ADNP2: variants seen among roughly 807,000 people sequenced by gnomAD.
The protein encoded by ADNP2 is ADNP homeobox 2.
Under a neutral mutation model 16.4 loss-of-function variants are expected in ADNP2, and 8 were observed. That is an observed-to-expected ratio of 0.49 (90% CI 0.29 to 0.88). The LOEUF (loss-of-function observed/expected upper bound fraction) is 0.88, where lower values mean the gene tolerates loss of function less well. ADNP2 is among the 40% of genes least tolerant of loss of function. ADNP2 has a pLI of 0.09. For synonymous variants in ADNP2, 637 were observed against 545.8 expected (o/e 1.17, Z -2.33); for missense variants, 1,397 against 1,395.1 (o/e 1.00, Z -0.02).
At chr18:80,127,798 G>T (rs1348629815) in intron 2 of ADNP2, among the ~76,000 whole-genome samples, 1 of 152,180 alleles carries the variant, frequency 6.6e-6, no homozygotes, top group Non-Finnish European at 1.5e-5. Context: ...TTGCTGTGAA[G>T]GCTTGACTTA....
chr18:80,116,875 G>T (rs186008510), intron 1 of ADNP2, among the ~76,000 whole-genome samples: 2 of 152,274 alleles, frequency 1.3e-5, no homozygotes, highest in East Asian at 3.9e-4. Flanking sequence ...AGCTCAAACA[G>T]TCTGCCTGAT....
chr18:80,110,797 T>G (rs2145186878), intron 1 of ADNP2, among the ~76,000 whole-genome samples: 1 of 152,124 alleles, frequency 6.6e-6, no homozygotes, highest in East Asian at 1.9e-4. Flanking sequence ...GTGACAGATG[T>G]GTGTTAAGAA....
chr18:80,130,858 G>A (rs763242869), intron 2 of ADNP2, among the ~76,000 whole-genome samples: 1 of 149,790 alleles, frequency 6.7e-6, no homozygotes, highest in African/African-American at 2.5e-5. Context: ...GTAGTTTCTT[G>A]TGAAAAACAA....
intron 2 of ADNP2, among the ~76,000 whole-genome samples, chr18:80,125,107 G>C (rs539775393): frequency 2.0e-5 from 3 of 152,222 alleles, no homozygotes; most frequent in Admixed American, 1.3e-4. Context: ...AGTTTTAATA[G>C]GCAGCATGTA....
At chr18:80,118,070 C>T (rs974865023) in intron 2 of ADNP2, among the ~76,000 whole-genome samples, 22 of 151,908 alleles carry the variant, frequency 1.4e-4, no homozygotes, top group Non-Finnish European at 2.2e-4. Context: ...TTTGTCTGTC[C>T]TTATAACATT....
At chr18:80,125,008 A>G (rs1397966885) in intron 2 of ADNP2, among the ~76,000 whole-genome samples, 1 of 152,230 alleles carries the variant, frequency 6.6e-6, no homozygotes, top group Non-Finnish European at 1.5e-5. Flanking sequence ...GGAAATAGGG[A>G]TGAAGACCAA....
chr18:80,131,134 T>C (rs897247403), intron 2 of ADNP2, among the ~76,000 whole-genome samples: 11 of 152,292 alleles, frequency 7.2e-5, no homozygotes, highest in Middle Eastern at 3.4e-3. Context: ...AAGTCAGCCG[T>C]TGAACCCCTG....
chr18:80,111,300 T>C (rs2052355320), intron 1 of ADNP2, among the ~76,000 whole-genome samples: 1 of 152,210 alleles, frequency 6.6e-6, no homozygotes, highest in Non-Finnish European at 1.5e-5. Flanking sequence ...ATGTGCTGTT[T>C]TGCATGTATT....
intron 1 of ADNP2, 147 bp from the exon 2 acceptor site, chr18:80,117,383 T>C (rs993187939): frequency 2.2e-6 from 1 of 464,066 alleles, no homozygotes. Flanking sequence ...TCAACCTCAT[T>C]CATTTGCATA....
At position 80,138,728 on chromosome 18, in the gene ADNP2, C is replaced by T. The variant is rs754148388; in HGVS notation, c.3315C>T (p.His1105=). Residue 1105 remains histidine, a synonymous_variant, in exon 4 of 4, where the codon CAC becomes CAT. Transcript: ENST00000262198. ...RYICMKAIKN[H]KPSVLLGFDM... is the part of the protein sequence containing the mutation. ...TTTGCATGAAAGCAATAAAAAATCA[C>T]AAGCCTTCTGTACTTTTAGGCTTTG... is the stretch of plus-strand genomic sequence containing the variant. 8.1e-6 allele frequency: 13 copies of T among 1,607,500 alleles called. No homozygotes were observed. The South Asian group carries it at 1.5e-4, about 18-fold the overall frequency.
intron 2 of ADNP2, among the ~76,000 whole-genome samples, chr18:80,120,490 C>T (rs1159759502): frequency 5.9e-5 from 9 of 151,884 alleles, no homozygotes; most frequent in Non-Finnish European, 1.0e-4. Context: ...TACCACCACA[C>T]CTGGGTAATT....
chr18:80,126,293 A>G (rs1211277050), intron 2 of ADNP2, among the ~76,000 whole-genome samples: 2 of 152,108 alleles, frequency 1.3e-5, no homozygotes. Context: ...CATGTTAGAA[A>G]TCTTACAATA....
intron 3 of ADNP2, among the ~76,000 whole-genome samples, chr18:80,135,036 G>A (rs953405613): frequency 3.3e-5 from 5 of 152,260 alleles, no homozygotes; most frequent in African/African-American, 1.2e-4. Context: ...TGGGATGAGG[G>A]GGAGAAAATA....
At chr18:80,128,745 C>T (rs1027080759) in intron 2 of ADNP2, among the ~76,000 whole-genome samples, 1 of 151,736 alleles carries the variant, frequency 6.6e-6, no homozygotes, top group Admixed American at 6.6e-5. Flanking sequence ...TACATACTAG[C>T]GTAGAGTTAA....
chr18:80,131,549 C>T (rs531751062), intron 2 of ADNP2, among the ~76,000 whole-genome samples: 3 of 147,222 alleles, frequency 2.0e-5, no homozygotes, highest in Admixed American at 6.9e-5. Flanking sequence ...TTTAAAAAGA[C>T]GGTGTTCAAG....
Position 80,135,940 on chromosome 18 carries a change from T to C in ADNP2, c.527T>C (p.Val176Ala), listed in dbSNP as rs1411365478. Residue 176 changes from valine to alanine, a missense_variant, in exon 4 of 4, where the codon GTA becomes GCA. Transcript: ENST00000262198. ...TACAGCATGAAGAAGCATGTGCTGGTAGCCCATTTTCACTACTTAATTAAC... is the reference window on the plus strand; with the variant it reads ...TACAGCATGAAGAAGCATGTGCTGGCAGCCCATTTTCACTACTTAATTAAC... ...LYYSMKKHVL[V>A]AHFHYLINSY... is the part of the protein sequence containing the mutation. 3 of 1,614,124 alleles carry C rather than the reference T, an allele frequency of 1.9e-6. No individual in the cohort carries two copies. Among genetic ancestry groups the C allele is most frequent in the African/African-American group, 2.7e-5 (2 of 74,942 alleles).
chr18:80,116,483 A>T (rs12970258), intron 1 of ADNP2, among the ~76,000 whole-genome samples: 27,494 of 151,730 alleles, frequency 0.18, 2,753 homozygotes, highest in Middle Eastern at 0.25. Flanking sequence ...CTGCACTGGT[A>T]TACATTACTA....
intron 2 of ADNP2, among the ~76,000 whole-genome samples, chr18:80,131,373 G>GT (rs1400844650): frequency 6.6e-6 from 1 of 152,084 alleles, no homozygotes; most frequent in Non-Finnish European, 1.5e-5. Context: ...TCTAGCAAGT[G>GT]TAACTTTTTG....
rs538154783 is a variant in ADNP2 at position 80,137,663 on chromosome 18, G to C, written c.2250G>C (p.Leu750=). Reference sequence around the variant, plus strand: ...TGAGAGAGAAAACGGTGCGATGTCTGTCTTGTAAGTGCTTGGTCTCTGAGG... The same window carrying C: ...TGAGAGAGAAAACGGTGCGATGTCTCTCTTGTAAGTGCTTGGTCTCTGAGG... ...KWMREKTVRC[L]SCKCLVSEEE... Residue 750 remains leucine, a synonymous_variant, in exon 4 of 4, where the codon CTG becomes CTC. Coordinates refer to ENST00000262198, the MANE Select transcript of ADNP2 (RefSeq NM_014913.4). This position sits in a 1 kb window ranked among gnomAD's most constrained non-coding sequence, Gnocchi z 4.2. 8 of 1,614,224 alleles carry C rather than the reference G, an allele frequency of 5.0e-6. No individual in the cohort carries two copies. The South Asian group carries it at 7.7e-5, about 16-fold the overall frequency.
Sources: gnomAD v4.1 joint callset for allele counts (sites outside exome capture counted in the v4.1 genomes callset) on GRCh38, gnomAD v4.1.1 for gene constraint, Gnocchi (gnomAD v3.1) non-coding constraint, MANE v1.5 for transcripts, NCBI Gene and HGNC (gene_info 2026-07-23, HGNC 2026-07-21) for gene names.